The following GPC6 variants were observed in gnomAD, a reference collection of about 807,000 sequenced individuals.
GPC6 encodes glypican 6.
A neutral mutation model predicts 55.2 loss-of-function variants in GPC6; 14 were observed. The ratio of observed to expected loss-of-function variants is 0.25; its 90% CI spans 0.17 to 0.40. The LOEUF (loss-of-function observed/expected upper bound fraction) is 0.40. Among genes scored for constraint, GPC6 ranks in the 10% least tolerant of loss-of-function variants. GPC6 has a pLI of 1.00. For missense variants in GPC6, 641 were observed against 708.5 expected, an observed-to-expected ratio of 0.90 and a Z score of 1.08; for synonymous variants, 278 against 259.6, an observed-to-expected ratio of 1.07 and a Z score of -0.68.
upstream of GPC6, among the ~76,000 whole-genome samples, chr13:93,224,401 T>C (rs1298439161): frequency 1.4e-5 from 2 of 147,316 alleles, no homozygotes; most frequent in Non-Finnish European, 3.0e-5. Flanking sequence ...TCCATGTTGG[T>C]CAAGCTCGTC....
chr13:93,453,769 G>T (rs963281100), intron 1 of GPC6, among the ~76,000 whole-genome samples: 1 of 151,960 alleles, frequency 6.6e-6, no homozygotes, highest in Non-Finnish European at 1.5e-5. Flanking sequence ...GAGTGAAGCT[G>T]CAGACCTTCG....
chr13:93,889,334 C>G (rs1470201927), intron 3 of GPC6, among the ~76,000 whole-genome samples: 3 of 152,050 alleles, frequency 2.0e-5, no homozygotes, highest in African/African-American at 7.2e-5. Context: ...TGTATAACCT[C>G]TGGCTTATAA....
At chr13:94,134,231 T>G (rs1270257883) in intron 4 of GPC6, among the ~76,000 whole-genome samples, 6 of 152,234 alleles carry the variant, frequency 3.9e-5, no homozygotes, top group Admixed American at 6.5e-5. Flanking sequence ...AGACAGAGCC[T>G]TAATGATTGG....
At chr13:93,501,214 G>T (rs1183989590) in intron 1 of GPC6, among the ~76,000 whole-genome samples, 3 of 152,186 alleles carry the variant, frequency 2.0e-5, no homozygotes, top group Middle Eastern at 3.4e-3. Context: ...TGAAGTCATA[G>T]AGGACATTTT....
At chr13:94,226,938 C>G (rs1890577707) in intron 4 of GPC6, among the ~76,000 whole-genome samples, 1 of 152,110 alleles carries the variant, frequency 6.6e-6, no homozygotes, top group African/African-American at 2.4e-5. Flanking sequence ...AACCAGCAGT[C>G]CCAAGACATG....
At chr13:94,272,716 C>T (rs541040686) in intron 4 of GPC6, among the ~76,000 whole-genome samples, 2 of 152,178 alleles carry the variant, frequency 1.3e-5, no homozygotes, top group Admixed American at 6.5e-5. Context: ...AATCCGCCCA[C>T]CTTGGCCTCC....
At chr13:93,301,475 C>G (rs1336443410) in intron 1 of GPC6, among the ~76,000 whole-genome samples, 1 of 152,206 alleles carries the variant, frequency 6.6e-6, no homozygotes, top group East Asian at 1.9e-4. Context: ...TTACTCTCTT[C>G]TTGCATTAGC....
intron 2 of GPC6, among the ~76,000 whole-genome samples, chr13:93,714,408 G>A (rs1238323757): frequency 6.6e-6 from 1 of 151,844 alleles, no homozygotes; most frequent in Non-Finnish European, 1.5e-5. Context: ...AGTCAGAATG[G>A]CTATTATTAA....
intron 4 of GPC6, chr13:94,187,392 A>G (rs1282507503): frequency 2.0e-5 from 3 of 152,236 alleles, no homozygotes; most frequent in Non-Finnish European, 4.4e-5. Flanking sequence ...AAGAAAGCAG[A>G]ACGATGAGTC....
At chr13:93,534,506 C>T (rs1381223981) in intron 1 of GPC6, among the ~76,000 whole-genome samples, 3 of 152,008 alleles carry the variant, frequency 2.0e-5, no homozygotes, top group African/African-American at 4.8e-5. Context: ...GTGGGGTTAA[C>T]GAGGCCCTCC....
intron 4 of GPC6, among the ~76,000 whole-genome samples, chr13:94,200,310 A>G (rs533265433): frequency 6.6e-6 from 1 of 152,316 alleles, no homozygotes; most frequent in Non-Finnish European, 1.5e-5. Context: ...TTTTAGGTCT[A>G]TCTCTAACAC....
At chr13:93,525,958 A>C (rs1462510779) in intron 1 of GPC6, among the ~76,000 whole-genome samples, 3 of 152,118 alleles carry the variant, frequency 2.0e-5, no homozygotes, top group African/African-American at 4.8e-5. Context: ...AGAATGCACA[A>C]CATTGTAGGA....
At chr13:94,307,936 A>G (rs1056537074) in intron 6 of GPC6, among the ~76,000 whole-genome samples, 2 of 152,168 alleles carry the variant, frequency 1.3e-5, no homozygotes, top group Admixed American at 6.5e-5. Flanking sequence ...TGTGAGATGA[A>G]TAAGTTCTAA....
intron 2 of GPC6, among the ~76,000 whole-genome samples, chr13:93,630,478 G>C (rs74749610): frequency 0.012 from 1,877 of 152,204 alleles, 37 homozygotes; most frequent in African/African-American, 0.043. Context: ...AATGTTTGCT[G>C]ACTGAATAGT....
intron 2 of GPC6, among the ~76,000 whole-genome samples, chr13:93,782,283 A>G (rs1194775986): frequency 1.3e-5 from 2 of 152,168 alleles, no homozygotes; most frequent in African/African-American, 4.8e-5. Context: ...TCAAGGCTGA[A>G]TACCATTTCA....
At chr13:93,231,401 A>ATATATATATATATATATACGTATATATG (rs1876045501) in intron 1 of GPC6, among the ~76,000 whole-genome samples, 1 of 29,594 alleles carries the variant, frequency 3.4e-5, no homozygotes, top group Non-Finnish European at 6.3e-5. Flanking sequence ...ATATATGTAT[A>ATATATATATATATATATACGTATATATG]TATATATATA....
At chr13:94,268,871 C>A (rs1891898327) in intron 4 of GPC6, among the ~76,000 whole-genome samples, 1 of 152,086 alleles carries the variant, frequency 6.6e-6, no homozygotes, top group Non-Finnish European at 1.5e-5. Context: ...CATTTCCTGG[C>A]CTTTCACATT....
At chr13:93,378,913 T>C (rs1594130107) in intron 1 of GPC6, among the ~76,000 whole-genome samples, 1 of 150,130 alleles carries the variant, frequency 6.7e-6, no homozygotes, top group South Asian at 2.1e-4. Flanking sequence ...GAGAATCGCA[T>C]GAACCCAGGA....
intron 4 of GPC6, among the ~76,000 whole-genome samples, chr13:94,192,790 TG>T (rs1262874198): frequency 6.6e-6 from 1 of 152,196 alleles, no homozygotes; most frequent in Non-Finnish European, 1.5e-5. Context: ...TGCCCTCTGC[TG>T]GGGACTCAGT....
Sources: allele counts gnomAD v4.1 joint callset (sites outside exome capture counted in the v4.1 genomes callset), GRCh38; gene constraint gnomAD v4.1.1; transcripts MANE v1.5; gene names NCBI Gene and HGNC (gene_info 2026-07-23, HGNC 2026-07-21).